The following BCKDHB variants were observed in gnomAD, a reference collection of about 807,000 sequenced individuals.
The protein encoded by BCKDHB is branched chain keto acid dehydrogenase E1 subunit beta.
A neutral mutation model predicts 48.5 loss-of-function variants in BCKDHB; 41 were observed. That is an observed-to-expected ratio of 0.85 (90% confidence interval 0.66 to 1.10). The LOEUF is 1.10. Ranked by LOEUF, BCKDHB falls within the 50% of genes least tolerant of loss-of-function variation. The pLI is 0.00. For synonymous variants in BCKDHB, 201 were observed against 174.8 expected (o/e 1.15, Z -1.18); for missense variants, 496 against 494.2 (o/e 1.00, Z -0.03).
the BCKDHB span, among the ~76,000 whole-genome samples, chr6:80,427,331 C>T: frequency 6.6e-6 from 1 of 151,974 alleles, no homozygotes; most frequent in Admixed American, 6.6e-5. Flanking sequence ...AATACTATAA[C>T]ACTTTATATA....
At chr6:80,138,111 A>G (rs899849210) in intron 3 of BCKDHB, among the ~76,000 whole-genome samples, 1 of 151,482 alleles carries the variant, frequency 6.6e-6, no homozygotes, top group African/African-American at 2.4e-5. Flanking sequence ...AGGCTGAGAG[A>G]CTCTGATCTA....
intron 8 of BCKDHB, among the ~76,000 whole-genome samples, chr6:80,239,094 A>G (rs796077616): frequency 6.6e-5 from 10 of 152,338 alleles, no homozygotes; most frequent in African/African-American, 2.2e-4. Flanking sequence ...AGAATGATTT[A>G]TAATCCTTTG....
At chr6:80,396,166 G>A in the BCKDHB span, among the ~76,000 whole-genome samples, 1 of 152,164 alleles carries the variant, frequency 6.6e-6, no homozygotes, top group African/African-American at 2.4e-5. Flanking sequence ...TGAGAAGAGG[G>A]CCATCATCCC....
At chr6:80,199,801 C>T (rs1392667481) in intron 6 of BCKDHB, among the ~76,000 whole-genome samples, 3 of 131,766 alleles carry the variant, frequency 2.3e-5, no homozygotes, top group Non-Finnish European at 3.2e-5. Flanking sequence ...AAAAAAAGGC[C>T]GGGCACATGC....
chr6:80,168,048 G>C (rs1772666352), intron 4 of BCKDHB, among the ~76,000 whole-genome samples: 1 of 152,022 alleles, frequency 6.6e-6, no homozygotes, highest in African/African-American at 2.4e-5. Flanking sequence ...GGGAGGCCAG[G>C]GTGGGAGGAT....
At position 80,343,812 on chromosome 6, in the gene BCKDHB, G is replaced by A. The variant is rs779438893; in HGVS notation, c.*8G>A. On this transcript the variant is annotated 3_prime_UTR_variant, in exon 10 of 10. Transcript: ENST00000320393. ...AAAATGATCAACTATTGACCATATAGGTAGGTATGCATCTTGAGAAAGCTA... is the reference window on the plus strand; with the variant it reads ...AAAATGATCAACTATTGACCATATAAGTAGGTATGCATCTTGAGAAAGCTA... 4 of 1,613,626 alleles carry A rather than the reference G, an allele frequency of 2.5e-6. 1 individual carries two copies. Among genetic ancestry groups the A allele is most frequent in the Non-Finnish European group, 3.4e-6 (4 of 1,179,854 alleles).
intron 8 of BCKDHB, among the ~76,000 whole-genome samples, chr6:80,208,139 A>C (rs1774755041): frequency 6.6e-6 from 1 of 151,852 alleles, no homozygotes. Context: ...ATGTTCTCTA[A>C]CAATAGTGGA....
intron 9 of BCKDHB, among the ~76,000 whole-genome samples, chr6:80,289,730 T>C (rs548275647): frequency 5.8e-4 from 89 of 152,232 alleles, no homozygotes; most frequent in African/African-American, 2.1e-3. Context: ...CCCCTGGATG[T>C]GTGAGCTGAC....
intron 8 of BCKDHB, among the ~76,000 whole-genome samples, chr6:80,242,584 CAG>C (rs1208493589): frequency 6.6e-6 from 1 of 151,994 alleles, no homozygotes; most frequent in South Asian, 2.1e-4. Context: ...CACACACACA[CAG>C]TTCACATTTT....
the BCKDHB span, among the ~76,000 whole-genome samples, chr6:80,376,066 G>T: frequency 8.8e-4 from 134 of 152,232 alleles, no homozygotes; most frequent in African/African-American, 3.2e-3. Context: ...GGGCCATAGA[G>T]CTCCAAAGAG....
At chr6:80,164,312 AC>A (rs1772467914) in intron 3 of BCKDHB, among the ~76,000 whole-genome samples, 1 of 151,798 alleles carries the variant, frequency 6.6e-6, no homozygotes, top group Admixed American at 6.6e-5. Context: ...ACATTTTCTT[AC>A]CCCATGGTTT....
At chr6:80,368,712 T>TAA in the BCKDHB span, among the ~76,000 whole-genome samples, 21 of 149,186 alleles carry the variant, frequency 1.4e-4, no homozygotes, top group Non-Finnish European at 1.8e-4. Flanking sequence ...TACATGAACT[T>TAA]AAAAAAAAAA....
chr6:80,273,863 A>C (rs1777857097), intron 9 of BCKDHB, among the ~76,000 whole-genome samples: 1 of 152,016 alleles, frequency 6.6e-6, no homozygotes, highest in South Asian at 2.1e-4. Flanking sequence ...ACCTGTATTC[A>C]AATTTATATC....
At chr6:80,408,065 G>A in the BCKDHB span, among the ~76,000 whole-genome samples, 5 of 152,106 alleles carry the variant, frequency 3.3e-5, no homozygotes, top group African/African-American at 1.2e-4. Context: ...TAGCATGAAG[G>A]GGTGTTGAAT....
chr6:80,221,103 C>T (rs1775430663), intron 8 of BCKDHB, among the ~76,000 whole-genome samples: 1 of 152,240 alleles, frequency 6.6e-6, no homozygotes, highest in African/African-American at 2.4e-5. Flanking sequence ...GCAATTGATA[C>T]AACTGTGTTA....
At chr6:80,143,293 T>C (rs1771315038) in intron 3 of BCKDHB, among the ~76,000 whole-genome samples, 1 of 152,178 alleles carries the variant, frequency 6.6e-6, no homozygotes, top group African/African-American at 2.4e-5. Context: ...TCAGGAAGTT[T>C]GAATCTAAAT....
the BCKDHB span, among the ~76,000 whole-genome samples, chr6:80,433,267 C>A: frequency 1.3e-5 from 2 of 152,178 alleles, no homozygotes; most frequent in Admixed American, 1.3e-4. Context: ...TCCGCAGCCA[C>A]CCCTTCCCCC....
intron 3 of BCKDHB, among the ~76,000 whole-genome samples, chr6:80,158,625 A>G (rs1772167015): frequency 6.6e-6 from 1 of 152,206 alleles, no homozygotes; most frequent in South Asian, 2.1e-4. Context: ...GATCTGTGCA[A>G]TCAGAATGAC....
At chr6:80,364,102 G>GTGATATCC in the BCKDHB span, among the ~76,000 whole-genome samples, 4 of 152,332 alleles carry the variant, frequency 2.6e-5, no homozygotes, top group African/African-American at 9.6e-5. Context: ...TACTCCTACA[G>GTGATATCC]TGATATCCTG....
Sources: allele counts gnomAD v4.1 joint callset (sites outside exome capture counted in the v4.1 genomes callset), GRCh38; gene constraint gnomAD v4.1.1; transcripts MANE v1.5; gene names NCBI Gene and HGNC (gene_info 2026-07-23, HGNC 2026-07-21).